The following PJVK variants were observed in gnomAD, a reference collection of about 807,000 sequenced individuals.
The protein encoded by PJVK is pejvakin.
Under a neutral mutation model 37.6 loss-of-function variants are expected in PJVK, and 33 were observed. The ratio of observed to expected loss-of-function variants is 0.88; its 90% confidence interval spans 0.67 to 1.17. PJVK has a LOEUF of 1.17. Among genes scored for constraint, PJVK ranks in the 50% most tolerant of loss-of-function variants. PJVK has a pLI of 0.00. For missense variants in PJVK, 410 were observed against 413.8 expected (o/e 0.99, Z 0.08); for synonymous variants, 141 against 143.5 (o/e 0.98, Z 0.13).
intron 3 of PJVK, chr2:178,455,550 C>T (rs1358004120): frequency 2.8e-6 from 2 of 706,206 alleles, no homozygotes; most frequent in South Asian, 2.9e-5. Context: ...GGCCCAGGCA[C>T]ACAGGTCCCA....
At chr2:178,451,953 T>A (rs1050963946) in intron 1 of PJVK, 184 bp downstream of exon 1, 1 of 625,224 alleles carries the variant, frequency 1.6e-6, no homozygotes, top group South Asian at 7.0e-5. Context: ...CTCGGTGTTA[T>A]GGAAGATTGC....
intron 1 of PJVK, chr2:178,452,433 T>G: frequency 2.0e-6 from 2 of 985,336 alleles, no homozygotes; most frequent in Non-Finnish European, 2.4e-6. Flanking sequence ...TCTCTTCCTC[T>G]CCGTCTATAT....
intron 1 of PJVK, chr2:178,452,736 A>G (rs1056121453): frequency 1.8e-6 from 1 of 561,000 alleles, no homozygotes; most frequent in African/African-American, 2.0e-5. Context: ...AGAAACCACT[A>G]GGTAATAGTT....
At position 178,459,995 on chromosome 2, in the gene PJVK, T is replaced by A; in HGVS notation, c.668-353T>A. On this transcript the variant is annotated intron_variant, in intron 5 of 6. Transcript: ENST00000644580. ...AGAGCTGAGTATAATATGTAACTATTTGGGCATAAATAATTTTATACACAT... is the reference window on the plus strand; with the variant it reads ...AGAGCTGAGTATAATATGTAACTATATGGGCATAAATAATTTTATACACAT... The A allele has an allele frequency of 1.4e-5, 3 of 214,330 alleles. No homozygotes were observed. In the South Asian group the frequency reaches 2.3e-4, roughly 16 times the overall value. 13.3% of individuals were successfully genotyped at this position (214,330 alleles called of 1,614,324 possible). A position where few individuals can be genotyped will look rare whatever the true frequency, so the allele number is the denominator to read the frequency against.
intron 5 of PJVK, chr2:178,459,743 A>T (rs1365576903): frequency 6.5e-6 from 1 of 154,350 alleles, no homozygotes; most frequent in Non-Finnish European, 1.5e-5. Context: ...AAATGGACTG[A>T]TATATCCACA....
chr2:178,460,457 T>C lies in PJVK; in HGVS notation c.766+11T>C. The C allele has an allele frequency of 6.2e-7, 1 of 1,605,396 alleles. No individual in the cohort carries two copies. The highest frequency in any genetic ancestry group is 8.5e-7 in the Non-Finnish European group (1 of 1,172,138). ...TCCTATTTGAAAGAAGTATGTTTAT[T>C]GAAGAGTACTGTGAATGTCTTTTTT... On this transcript the variant is annotated intron_variant, in intron 6 of 6. Transcript: ENST00000644580.
At chr2:178,453,686 A>G in intron 2 of PJVK, 66 bp downstream of exon 2, 1 of 1,291,136 alleles carries the variant, frequency 7.7e-7, no homozygotes, top group Non-Finnish European at 1.1e-6. Flanking sequence ...AACATAGGTC[A>G]TATATGCTAC....
intron 5 of PJVK, chr2:178,460,017 A>G (rs1684382068): frequency 4.2e-6 from 1 of 236,682 alleles, no homozygotes; most frequent in South Asian, 6.3e-5. Flanking sequence ...AATTTTATAC[A>G]CATACATGTA....
chr2:178,458,814 A>G lies in PJVK; in HGVS notation c.667+187A>G, dbSNP rs190061266. ...AAGACCCTCCGTTCGCTGCTTCCCCATTCCACTTTTCTGCTTCTTGGTGAA... is the reference window on the plus strand; with the variant it reads ...AAGACCCTCCGTTCGCTGCTTCCCCGTTCCACTTTTCTGCTTCTTGGTGAA... On this transcript the variant is annotated intron_variant, in intron 5 of 6. Coordinates refer to ENST00000644580, the MANE Select transcript of PJVK (RefSeq NM_001042702.5). Among the ~76,000 whole-genome samples the G allele has an allele frequency of 5.1e-3, 780 of 152,174 alleles. 4 individuals are homozygous for G. Among genetic ancestry groups the G allele is most frequent in the Non-Finnish European group, 7.9e-3 (535 of 67,988 alleles).
chr2:178,458,409 T>G, intron 4 of PJVK, 101 bp from the exon 5 acceptor site: 2 of 951,014 alleles, frequency 2.1e-6, no homozygotes, highest in Non-Finnish European at 3.2e-6. Context: ...GGGAATTTTT[T>G]GTTTTGTTTT....
At chr2:178,454,633 T>C (rs1230264938) in intron 3 of PJVK, 106 bp downstream of exon 3, 2 of 1,435,260 alleles carry the variant, frequency 1.4e-6, no homozygotes, top group Non-Finnish European at 1.9e-6. Flanking sequence ...ATTTTACTAG[T>C]GTAATTTGCT....
At chr2:178,455,375 A>C (rs1323453885) in intron 3 of PJVK, 2 of 1,328,328 alleles carry the variant, frequency 1.5e-6, no homozygotes, top group African/African-American at 2.9e-5. Context: ...GATTCTGAAG[A>C]AGTTCATGGA....
chr2:178,459,255 CA>C, intron 5 of PJVK: 1 of 470,646 alleles, frequency 2.1e-6, no homozygotes, highest in Admixed American at 2.4e-5. Flanking sequence ...TCAGGAAAGG[CA>C]GCCCCTAGCC....
chr2:178,452,727 G>C, intron 1 of PJVK: 1 of 642,208 alleles, frequency 1.6e-6, no homozygotes, highest in Non-Finnish European at 1.9e-6. Flanking sequence ...TTCAGAGTAA[G>C]AAACCACTAG....
intron 4 of PJVK, among the ~76,000 whole-genome samples, chr2:178,456,814 A>G (rs1212169729): frequency 6.6e-6 from 1 of 152,036 alleles, no homozygotes; most frequent in Non-Finnish European, 1.5e-5. Context: ...AAAATGTGTA[A>G]CATAATGCAA....
At position 178,461,546 on chromosome 2, in the gene PJVK, G is replaced by T; in HGVS notation, c.*272G>T. 3.1e-6 allele frequency: 1 copy of T among 323,980 alleles called. No homozygotes were observed. The highest frequency in any genetic ancestry group is 8.7e-5 in the East Asian group (1 of 11,550). 20.1% of individuals were successfully genotyped at this position (323,980 alleles called of 1,614,324 possible). The stretch of plus-strand genomic sequence containing the variant: ...ATTATGAATCATGCCAGTCACTTTA[G>T]AATCATTTTTGGGATGTAGTCTATC... On this transcript the variant is annotated 3_prime_UTR_variant, in exon 7 of 7. Transcript: ENST00000644580.
At chr2:178,457,315 T>C (rs1217895317) in intron 4 of PJVK, among the ~76,000 whole-genome samples, 1 of 152,188 alleles carries the variant, frequency 6.6e-6, no homozygotes, top group Non-Finnish European at 1.5e-5. Context: ...GTTAGTTAAA[T>C]CCTTTAAAAA....
At chr2:178,459,628 G>A (rs1485272880) in intron 5 of PJVK, among the ~76,000 whole-genome samples, 1 of 152,070 alleles carries the variant, frequency 6.6e-6, no homozygotes, top group Admixed American at 6.5e-5. Context: ...ACATTATTTT[G>A]ACTGTAGTCA....
intron 4 of PJVK, among the ~76,000 whole-genome samples, chr2:178,457,174 C>T (rs954958951): frequency 3.9e-5 from 6 of 152,260 alleles, no homozygotes; most frequent in Admixed American, 3.3e-4. Context: ...CCTCGTGATC[C>T]GCTAGCCTCG....
Sources: allele counts gnomAD v4.1 joint callset (sites outside exome capture counted in the v4.1 genomes callset), GRCh38; gene constraint gnomAD v4.1.1; transcripts MANE v1.5; gene names NCBI Gene and HGNC (gene_info 2026-07-23, HGNC 2026-07-21).